FAM53B: variants seen among roughly 807,000 people sequenced by gnomAD.
FAM53B encodes the protein family with sequence similarity 53 member B.
A neutral mutation model predicts 32.7 loss-of-function variants in FAM53B; 12 were observed. That is an observed-to-expected ratio of 0.37 (90% CI 0.24 to 0.59). FAM53B has a LOEUF of 0.59. FAM53B is among the 20% of genes least tolerant of loss of function. FAM53B has a pLI of 0.72. For synonymous variants in FAM53B, 234 were observed against 228.7 expected (o/e 1.02, Z -0.21); for missense variants, 477 against 577.7 (o/e 0.83, Z 1.79).
chr10:124,741,831 C>A (rs968867163), intron 1 of FAM53B, among the ~76,000 whole-genome samples: 1 of 152,192 alleles, frequency 6.6e-6, no homozygotes, highest in Non-Finnish European at 1.5e-5. Flanking sequence ...GTGCAACATA[C>A]CCCACGTTGA....
intron 3 of FAM53B, among the ~76,000 whole-genome samples, chr10:124,689,016 C>T (rs560465100): frequency 1.3e-5 from 2 of 152,142 alleles, no homozygotes; most frequent in African/African-American, 2.4e-5. Context: ...CGAAATGCCC[C>T]GATTAGCAAG....
At chr10:124,727,339 G>C (rs201535450) in intron 1 of FAM53B, among the ~76,000 whole-genome samples, 3 of 125,448 alleles carry the variant, frequency 2.4e-5, no homozygotes, top group Non-Finnish European at 3.5e-5. Context: ...GTGGGGGGGG[G>C]GGGGGTGCGG....
chr10:124,738,115 G>T (rs572968001), intron 1 of FAM53B, among the ~76,000 whole-genome samples: 2,196 of 152,156 alleles, frequency 0.014, 47 homozygotes, highest in Non-Finnish European at 0.024. Context: ...AGCAGCAGCA[G>T]CAGCAGCAAA....
At chr10:124,633,211 C>A (rs1949402754) in intron 4 of FAM53B, among the ~76,000 whole-genome samples, 1 of 146,452 alleles carries the variant, frequency 6.8e-6, no homozygotes, top group Non-Finnish European at 1.5e-5. Context: ...ATAAAATACC[C>A]AGGAATGAAC....
At chr10:124,632,105 C>T (rs918468487) in intron 4 of FAM53B, among the ~76,000 whole-genome samples, 28 of 152,322 alleles carry the variant, frequency 1.8e-4, no homozygotes, top group African/African-American at 4.8e-4. Context: ...CCCAGAGCCA[C>T]GCGTGTCCTC....
chr10:124,668,599 C>T (rs1037819355), intron 4 of FAM53B, among the ~76,000 whole-genome samples: 15 of 152,260 alleles, frequency 9.9e-5, no homozygotes, highest in African/African-American at 3.4e-4. Context: ...AGGTACAGAG[C>T]CAGAAAGGCA....
intron 1 of FAM53B, among the ~76,000 whole-genome samples, chr10:124,717,212 A>G (rs536223760): frequency 2.0e-4 from 30 of 152,302 alleles, no homozygotes; most frequent in African/African-American, 7.2e-4. Flanking sequence ...TCATGAGTCA[A>G]ATAGGATGCT....
rs939811914 is a variant in FAM53B at position 124,698,766 on chromosome 10, T to C, written c.79-2554A>G. On this transcript the variant is annotated intron_variant, in intron 2 of 4. Transcript: ENST00000337318. ...TTACAGCCTGTACCCTCGGCCCCCA[T>C]TCCCCACCCTCCATCCAGAACCCAG... Among the ~76,000 whole-genome samples the C allele has an allele frequency of 4.6e-5, 7 of 151,922 alleles. No individual in the cohort carries two copies. The South Asian group carries it at 8.3e-4, about 18-fold the overall frequency.
intron 4 of FAM53B, among the ~76,000 whole-genome samples, chr10:124,654,226 T>C (rs1949572326): frequency 6.6e-6 from 1 of 152,248 alleles, no homozygotes; most frequent in African/African-American, 2.4e-5. Flanking sequence ...CCATGCGAAG[T>C]GCGATTGTCA....
At chr10:124,706,009 C>A (rs2134085142) in intron 2 of FAM53B, among the ~76,000 whole-genome samples, 1 of 152,352 alleles carries the variant, frequency 6.6e-6, no homozygotes, top group East Asian at 1.9e-4. Context: ...GAGCAGCCTG[C>A]ACTCACATCT....
chr10:124,687,814 C>T (rs139449295), intron 3 of FAM53B, among the ~76,000 whole-genome samples: 82 of 152,304 alleles, frequency 5.4e-4, no homozygotes, highest in Middle Eastern at 3.4e-3. Context: ...TTGAGAAATG[C>T]TGTTCTGGAA....
chr10:124,640,817 C>T (rs1949465701), intron 4 of FAM53B, among the ~76,000 whole-genome samples: 1 of 152,118 alleles, frequency 6.6e-6, no homozygotes, highest in Admixed American at 6.5e-5. Context: ...TGCAATACAG[C>T]CCCGAGCGCA....
rs2134069126 is a variant in FAM53B at position 124,682,722 on chromosome 10, G to A, written c.134-343C>T. On this transcript the variant is annotated intron_variant, in intron 3 of 4. Coordinates refer to ENST00000337318, the MANE Select transcript of FAM53B (RefSeq NM_014661.4). The surrounding 1 kb of genome is among the most constrained non-coding windows in gnomAD (Gnocchi z 5.2). Reference sequence around the variant, plus strand: ...AAAATGTTTCTCATCTTATGGGTGGGAAATCGACTTGCCCTGAACCCTGCC... The same window carrying A: ...AAAATGTTTCTCATCTTATGGGTGGAAAATCGACTTGCCCTGAACCCTGCC... 6.6e-6 allele frequency among the ~76,000 whole-genome samples: 1 copy of A among 152,350 alleles called. No individual in the cohort carries two copies. The highest frequency in any genetic ancestry group is 1.9e-4 in the East Asian group (1 of 5,190).
chr10:124,738,085 C>T (rs1950182133), intron 1 of FAM53B, among the ~76,000 whole-genome samples: 1 of 117,052 alleles, frequency 8.5e-6, no homozygotes, highest in South Asian at 3.1e-4. Flanking sequence ...CCTTCAGATG[C>T]CACTTCACCA....
At chr10:124,624,563 C>T (rs1162516220) in intron 4 of FAM53B, among the ~76,000 whole-genome samples, 3 of 152,204 alleles carry the variant, frequency 2.0e-5, no homozygotes, top group African/African-American at 7.2e-5. Context: ...TCTCCGCTCA[C>T]CAAGTGTGCT....
chr10:124,690,639 C>G (rs1324407991), intron 3 of FAM53B, among the ~76,000 whole-genome samples: 2 of 152,244 alleles, frequency 1.3e-5, no homozygotes, highest in Non-Finnish European at 2.9e-5. Context: ...TACTTCCATT[C>G]TGTGCTTTAT....
rs568698822 is a variant in FAM53B, at chr10:124,701,086, T to C, written c.79-4874A>G. On this transcript the variant is annotated intron_variant, in intron 2 of 4. Transcript: ENST00000337318. ...AAGCATGGGCAGGCCCCTTGGTATC[T>C]CTGCCTGCCCAGGGTGAAAGGCATC... 5.9e-5 allele frequency among the ~76,000 whole-genome samples: 9 copies of C among 152,334 alleles called. No homozygotes were observed. In the East Asian group the frequency reaches 1.7e-3, roughly 29 times the overall value.
At chr10:124,695,224 T>C (rs1349094288) in intron 3 of FAM53B, among the ~76,000 whole-genome samples, 1 of 152,178 alleles carries the variant, frequency 6.6e-6, no homozygotes, top group Non-Finnish European at 1.5e-5. Context: ...GAGTGGTTTC[T>C]GAGTCCACGC....
intron 1 of FAM53B, among the ~76,000 whole-genome samples, chr10:124,720,025 T>G (rs1589763177): frequency 1.3e-5 from 2 of 151,760 alleles, no homozygotes; most frequent in Admixed American, 1.3e-4. Context: ...TAGCAGGGTG[T>G]GGTGGCGGGC....
Sources: gnomAD v4.1 joint callset for allele counts (sites outside exome capture counted in the v4.1 genomes callset) on GRCh38, gnomAD v4.1.1 for gene constraint, Gnocchi (gnomAD v3.1) non-coding constraint, MANE v1.5 for transcripts, NCBI Gene and HGNC (gene_info 2026-07-23, HGNC 2026-07-21) for gene names.